CARS2: variants seen among roughly 807,000 people sequenced by gnomAD.
CARS2 encodes probable cysteine--tRNA ligase, mitochondrial.
CARS2 carries 52 observed loss-of-function variants against 68.8 expected under a neutral mutation model. The ratio of observed to expected loss-of-function variants is 0.76; its 90% CI spans 0.61 to 0.95. The LOEUF (loss-of-function observed/expected upper bound fraction) is 0.95, where lower values mean the gene tolerates loss of function less well. CARS2 is among the 40% of genes least tolerant of loss of function. The probability of loss-of-function intolerance (pLI) is 0.00; values close to 1 mark genes in which losing one functional copy is unlikely to be tolerated. For missense variants in CARS2, 780 were observed against 754.2 expected, an observed-to-expected ratio of 1.03 and a Z score of -0.40; for synonymous variants, 314 against 303.6, an observed-to-expected ratio of 1.03 and a Z score of -0.36.
At chr13:110,706,995 T>A (rs976872929), upstream of CARS2, among the ~76,000 whole-genome samples, 2 of 151,046 alleles carry the variant, frequency 1.3e-5, no homozygotes, top group African/African-American at 4.9e-5. Context: ...CAATACAGTG[T>A]GCACCCCAGC....
intron 14 of CARS2, among the ~76,000 whole-genome samples, 160 bp from the exon 15 acceptor site, chr13:110,641,768 GC>G (rs983167497): frequency 1.3e-5 from 2 of 152,244 alleles, no homozygotes; most frequent in African/African-American, 4.8e-5. Flanking sequence ...CCAGCAGAAG[GC>G]CAGGAGCTTC....
chr13:110,643,949 G>A (rs1887746348), intron 13 of CARS2: 1 of 367,784 alleles, frequency 2.7e-6, no homozygotes, highest in Non-Finnish European at 5.1e-6. Context: ...CTGGGAAGGT[G>A]CAGGTGACTC....
chr13:110,711,463 C>T (rs1370488382), upstream of CARS2, among the ~76,000 whole-genome samples: 1 of 152,252 alleles, frequency 6.6e-6, no homozygotes, highest in Non-Finnish European at 1.5e-5. Context: ...ATTCGCCCGC[C>T]TCGGCCTCCC....
At chr13:110,662,748 T>C (rs967996231) in intron 9 of CARS2, 2 of 179,064 alleles carry the variant, frequency 1.1e-5, no homozygotes, top group Admixed American at 1.2e-4. Flanking sequence ...GGAAACTATA[T>C]ACAAATTATT....
rs1013127926 is a variant in CARS2, at chr13:110,663,358, G to A, written c.987+93C>T. The A allele has an allele frequency of 3.1e-6, 4 of 1,270,662 alleles. No homozygotes were observed. In the South Asian group the frequency reaches 4.4e-5, roughly 14 times the overall value. 78.7% of individuals were successfully genotyped at this position (1,270,662 alleles called of 1,614,324 possible). ...AAAGGGGCCAGAGGGCACTGGGAAT[G>A]GGATTCCGTGGTTCTCAAATGACAC... On this transcript the variant is annotated intron_variant, in intron 9 of 14. Transcript: ENST00000257347.
intron 10 of CARS2, chr13:110,649,190 G>C (rs1183096020): frequency 1.3e-5 from 2 of 152,298 alleles, no homozygotes; most frequent in East Asian, 1.9e-4. Context: ...CGAGCACGAG[G>C]CTGGCCACAC....
intron 3 of CARS2, 127 bp from the exon 4 acceptor site, chr13:110,688,145 C>A: frequency 1.8e-6 from 1 of 570,360 alleles, no homozygotes; most frequent in Non-Finnish European, 3.1e-6. Flanking sequence ...GTGCCTCGGC[C>A]TCAGTTTGCC....
chr13:110,706,162 A>G (rs1277690176), upstream of CARS2: 13 of 1,136,734 alleles, frequency 1.1e-5, no homozygotes, highest in African/African-American at 4.9e-5. Context: ...GTCGCTCAAG[A>G]GCAGCACGGC....
At chr13:110,709,205 T>C (rs2064006691), upstream of CARS2, among the ~76,000 whole-genome samples, 1 of 151,424 alleles carries the variant, frequency 6.6e-6, no homozygotes, top group Admixed American at 6.6e-5. Flanking sequence ...CAAGCAATTC[T>C]CCTGCTTGTC....
intron 8 of CARS2, chr13:110,666,973 A>G (rs2062665213): frequency 2.0e-6 from 2 of 984,390 alleles, no homozygotes; most frequent in African/African-American, 3.5e-5. Flanking sequence ...AGAAAGGGCA[A>G]TGTTATTAGA....
chr13:110,699,643 T>C (rs2139918946), intron 3 of CARS2, among the ~76,000 whole-genome samples: 1 of 152,254 alleles, frequency 6.6e-6, no homozygotes, highest in Admixed American at 6.5e-5. Context: ...TGGGCAAAAA[T>C]GTCCAGAGAG....
intron 7 of CARS2, among the ~76,000 whole-genome samples, chr13:110,672,265 C>A (rs907504971): frequency 7.2e-5 from 11 of 152,202 alleles, no homozygotes; most frequent in Non-Finnish European, 1.5e-4. Context: ...AATATACATT[C>A]TTCTCAGCAC....
chr13:110,651,538 A>G (rs545996882), intron 9 of CARS2, among the ~76,000 whole-genome samples: 227 of 152,190 alleles, frequency 1.5e-3, no homozygotes, highest in African/African-American at 5.1e-3. Context: ...TGAACGTCAG[A>G]CCCGGCTGAC....
chr13:110,666,549 A>G, intron 8 of CARS2: 1 of 985,400 alleles, frequency 1.0e-6, no homozygotes, highest in South Asian at 4.7e-5. Flanking sequence ...CGGGGCAATC[A>G]GCCTCATGTA....
rs575601185 is a variant in CARS2 at position 110,641,548 on chromosome 13, AT to A, written c.1683del (p.Lys561AsnfsTer11). 1 of 1,613,632 alleles carries A rather than the reference AT, an allele frequency of 6.2e-7. No individual in the cohort carries two copies. Among genetic ancestry groups the A allele is most frequent in the East Asian group, 2.2e-5 (1 of 44,874 alleles). ...GCTGTGCTCCATCCTCAGCCCGCTGATTTTTGGTCTTTTGTCCTTTGATCCA... is the reference window on the plus strand; with the variant it reads ...GCTGTGCTCCATCCTCAGCCCGCTGATTTTGGTCTTTTGTCCTTTGATCCA... Reference protein sequence around the residue: ...ELLDQRTKDQKSAG With the variant: ...ELLDQRTKDQXSAG On this transcript the variant is annotated frameshift_variant, in exon 15 of 15. Coordinates refer to ENST00000257347, the MANE Select transcript of CARS2 (RefSeq NM_024537.4). LOFTEE classifies it high-confidence loss of function.
intron 6 of CARS2, among the ~76,000 whole-genome samples, chr13:110,678,358 C>T (rs547030767): frequency 6.6e-6 from 1 of 152,166 alleles, no homozygotes; most frequent in African/African-American, 2.4e-5. Context: ...GTGGCGCATG[C>T]TCACCAAAAC....
In CARS2 at chr13:110,646,183, G is replaced by A. The variant is rs899316966; in HGVS notation, c.1194-93C>T. Reference sequence around the variant, plus strand: ...GTCCTTCCCCAGGGAGAGACGCTGGGGGCTCTAATCTGGGGACTTTCTCTA... The same window carrying A: ...GTCCTTCCCCAGGGAGAGACGCTGGAGGCTCTAATCTGGGGACTTTCTCTA... On this transcript the variant is annotated intron_variant, in intron 11 of 14. Transcript: ENST00000257347. 6 of 1,442,680 alleles carry A rather than the reference G, an allele frequency of 4.2e-6. No homozygotes were observed. In the African/African-American group the frequency reaches 8.6e-5, roughly 21 times the overall value. 89.4% of individuals were successfully genotyped at this position (1,442,680 alleles called of 1,614,324 possible). A position where few individuals can be genotyped will look rare whatever the true frequency, so the allele number is the denominator to read the frequency against.
intron 7 of CARS2, 113 bp from the exon 8 acceptor site, chr13:110,667,586 A>G: frequency 1.1e-6 from 1 of 915,548 alleles, no homozygotes; most frequent in Non-Finnish European, 1.6e-6. Context: ...AATGGATCTC[A>G]GTTTTGCATC....
intron 9 of CARS2, among the ~76,000 whole-genome samples, chr13:110,660,144 C>T (rs2062465554): frequency 6.6e-6 from 1 of 152,228 alleles, no homozygotes; most frequent in Admixed American, 6.5e-5. Context: ...AGAAGCAACT[C>T]CTCGTTTGTT....
Sources: gnomAD v4.1 joint callset for allele counts (sites outside exome capture counted in the v4.1 genomes callset) on GRCh38, gnomAD v4.1.1 for gene constraint, MANE v1.5 for transcripts, NCBI Gene and HGNC (gene_info 2026-07-23, HGNC 2026-07-21) for gene names.